Variants in CSMD3 observed in about 807,000 individuals in gnomAD.
The protein encoded by CSMD3 is CUB and sushi domain-containing protein 3.
CSMD3 carries 177 observed loss-of-function variants against 435.2 expected under a neutral mutation model. The ratio of observed to expected loss-of-function variants is 0.41; its 90% CI spans 0.36 to 0.46. The LOEUF (loss-of-function observed/expected upper bound fraction) is 0.46, where lower values mean the gene tolerates loss of function less well. CSMD3 is among the 20% of genes least tolerant of loss of function. The probability of loss-of-function intolerance (pLI) is 0.34; values close to 1 mark genes in which losing one functional copy is unlikely to be tolerated. For missense variants in CSMD3, 4,265 were observed against 4,504.6 expected (o/e 0.95, Z 1.52); for synonymous variants, 1,656 against 1,520.5 (o/e 1.09, Z -2.07).
chr8:112,263,882 A>G (rs964310289), intron 60 of CSMD3, 70 bp from the exon 61 acceptor site: 24 of 1,359,738 alleles, frequency 1.8e-5, no homozygotes, highest in African/African-American at 2.9e-5. Context: ...ATAAATAAAT[A>G]TCATTAGAAG....
rs559167259 is a variant in CSMD3 at position 112,517,205 on chromosome 8, G to A, written c.4585C>T (p.Arg1529Cys). The A allele has an allele frequency of 5.0e-6, 8 of 1,613,480 alleles. No individual in the cohort carries two copies. The highest frequency in any genetic ancestry group is 2.7e-5 in the African/African-American group (2 of 75,016). ...QFSSSVATAC[R>C]DPGVPMNGTR... is the part of the protein sequence containing the mutation. ...CCATTCATGGGGACCCCTGGGTCACGACACGCAGTGGCAACAGAACCTATC... is the reference window on the plus strand; with the variant it reads ...CCATTCATGGGGACCCCTGGGTCACAACACGCAGTGGCAACAGAACCTATC... Residue 1529 changes from arginine to cysteine, a missense_variant, in exon 28 of 71, where the codon CGT becomes TGT. By Grantham distance (180) the Arg-to-Cys change is radical. This residue lies in a region of CSMD3 where 3,255 missense variants were observed against 3,380.2 expected (regional missense o/e 0.96). Coordinates refer to ENST00000297405, the MANE Select transcript of CSMD3 (RefSeq NM_198123.2).
intron 4 of CSMD3, among the ~76,000 whole-genome samples, chr8:113,112,468 C>A: frequency 1.4e-5 from 1 of 70,268 alleles, no homozygotes. Context: ...CACACACACA[C>A]ACACGTACAC....
chr8:113,410,741 GAA>G (rs34022107), intron 1 of CSMD3, among the ~76,000 whole-genome samples: 38,809 of 142,808 alleles, frequency 0.27, 5,514 homozygotes, highest in Admixed American at 0.46. Flanking sequence ...ATCTGTACTG[GAA>G]AAAAAAAAAA....
intron 52 of CSMD3, among the ~76,000 whole-genome samples, chr8:112,303,498 T>C (rs1271546444): frequency 6.6e-6 from 1 of 152,052 alleles, no homozygotes; most frequent in Non-Finnish European, 1.5e-5. Flanking sequence ...GAGGTTGCAG[T>C]GAGCTGAGAT....
intron 38 of CSMD3, among the ~76,000 whole-genome samples, chr8:112,380,052 G>A (rs1829326910): frequency 6.6e-6 from 1 of 152,120 alleles, no homozygotes; most frequent in Non-Finnish European, 1.5e-5. Flanking sequence ...GAGATCTGTT[G>A]CATAATATTG....
intron 1 of CSMD3, among the ~76,000 whole-genome samples, chr8:113,373,632 TG>T (rs1444682775): frequency 2.0e-5 from 3 of 152,092 alleles, no homozygotes; most frequent in Middle Eastern, 6.3e-3. Context: ...TCTACCTTTT[TG>T]GGTTAATAAT....
At chr8:113,228,079 T>TC (rs1282994358) in intron 3 of CSMD3, among the ~76,000 whole-genome samples, 7 of 151,638 alleles carry the variant, frequency 4.6e-5, no homozygotes, top group African/African-American at 1.7e-4. Flanking sequence ...TTTTTTGGTA[T>TC]ATTTTTATGT....
intron 13 of CSMD3, among the ~76,000 whole-genome samples, chr8:112,694,318 G>C (rs572267674): frequency 6.6e-6 from 1 of 152,036 alleles, no homozygotes; most frequent in African/African-American, 2.4e-5. Context: ...TTGTGTTTGA[G>C]CAAGAAAAAA....
chr8:112,846,620 G>T (rs1000750073), intron 11 of CSMD3, among the ~76,000 whole-genome samples: 4 of 151,834 alleles, frequency 2.6e-5, no homozygotes, highest in African/African-American at 9.7e-5. Context: ...ATGTTGCTCA[G>T]GATGGTCTCA....
At chr8:113,014,710 AG>A (rs2086387591) in intron 6 of CSMD3, among the ~76,000 whole-genome samples, 1 of 152,144 alleles carries the variant, frequency 6.6e-6, no homozygotes, top group African/African-American at 2.4e-5. Context: ...GGAATGTTTC[AG>A]AGACATCTGA....
intron 3 of CSMD3, among the ~76,000 whole-genome samples, chr8:113,206,024 T>C (rs531835512): frequency 1.3e-5 from 2 of 152,054 alleles, no homozygotes; most frequent in Non-Finnish European, 2.9e-5. Flanking sequence ...ACAGCTAAGC[T>C]CCTTTGTTTA....
chr8:112,722,194 G>GAA (rs576268716), intron 13 of CSMD3, among the ~76,000 whole-genome samples: 173 of 82,294 alleles, frequency 2.1e-3, no homozygotes, highest in Non-Finnish European at 2.4e-3. Flanking sequence ...AGTGAAAAGA[G>GAA]AAAAAAAAAA....
Position 112,506,770 on chromosome 8 carries a change from G to A in CSMD3, c.4816C>T (p.His1606Tyr), listed in dbSNP as rs1316252540. Residue 1606 changes from histidine to tyrosine, a missense_variant, in exon 29 of 71, where the codon CAT becomes TAT. His to Tyr is a moderately conservative substitution (Grantham distance 83). Around this residue, in one of 3 missense-constraint regions of CSMD3, gnomAD observed 3,255 missense variants for 3,380.2 expected, o/e 0.96. Coordinates refer to ENST00000297405, the MANE Select transcript of CSMD3 (RefSeq NM_198123.2). ...SGFILSPNFP[H>Y]PYPHSRDCDW... ...CAGTCTCTGCTATGCGGATATGGAT[G>A]AGGGAAGTTTGGTGAAAGAATAAAG... is the stretch of plus-strand genomic sequence containing the variant. 1 of 1,613,606 alleles carries A rather than the reference G, an allele frequency of 6.2e-7. No homozygotes were observed. Among genetic ancestry groups the A allele is most frequent in the South Asian group, 1.1e-5 (1 of 91,078 alleles).
intron 6 of CSMD3, 140 bp from the exon 7 acceptor site, chr8:112,976,288 T>G: frequency 1.0e-6 from 1 of 970,492 alleles, no homozygotes; most frequent in Non-Finnish European, 1.6e-6. Context: ...AACACGCGAG[T>G]AAATTGTGAA....
intron 1 of CSMD3, among the ~76,000 whole-genome samples, chr8:113,375,556 C>T (rs1475559603): frequency 6.9e-6 from 1 of 144,850 alleles, no homozygotes; most frequent in Non-Finnish European, 1.5e-5. Flanking sequence ...CGTGTCATGC[C>T]GAGGAAAATA....
chr8:112,724,817 A>T (rs1393884936), intron 13 of CSMD3, among the ~76,000 whole-genome samples: 2 of 152,072 alleles, frequency 1.3e-5, no homozygotes, highest in East Asian at 3.9e-4. Flanking sequence ...AGGAGAAAAC[A>T]ATGTGACAGG....
At chr8:113,083,807 T>C (rs2089654904) in intron 5 of CSMD3, among the ~76,000 whole-genome samples, 1 of 151,900 alleles carries the variant, frequency 6.6e-6, no homozygotes, top group Admixed American at 6.6e-5. Context: ...TCTGTCTCTA[T>C]AAAACATTTA....
chr8:112,754,540 G>C (rs2077646675), intron 13 of CSMD3, among the ~76,000 whole-genome samples: 1 of 152,060 alleles, frequency 6.6e-6, no homozygotes, highest in African/African-American at 2.4e-5. Flanking sequence ...AGAAACTTTT[G>C]TCATTTAGGC....
At chr8:113,188,118 T>C (rs1277379027) in intron 3 of CSMD3, among the ~76,000 whole-genome samples, 1 of 151,954 alleles carries the variant, frequency 6.6e-6, no homozygotes, top group East Asian at 1.9e-4. Flanking sequence ...CAGGAAGCAA[T>C]AGTTTTTATT....
Sources: gnomAD v4.1 joint callset for allele counts (sites outside exome capture counted in the v4.1 genomes callset) on GRCh38, gnomAD v4.1.1 for gene constraint, gnomAD v4.1.1 regional missense constraint, MANE v1.5 for transcripts, NCBI Gene and HGNC (gene_info 2026-07-23, HGNC 2026-07-21) for gene names.